Variants in ARL15 observed in about 807,000 individuals in gnomAD.
ARL15 encodes the protein ARF like GTPase 15, also known as ADP-ribosylation factor-like protein 15.
In ARL15, 19 loss-of-function variants were observed where a neutral mutation model predicts 25.2. The observed-to-expected ratio is 0.75, with a 90% CI of 0.53 to 1.10. The LOEUF is 1.10. Ranked by LOEUF, ARL15 falls within the 50% of genes least tolerant of loss-of-function variation. ARL15 has a pLI of 0.00. For synonymous variants in ARL15, 94 were observed against 86.8 expected, an observed-to-expected ratio of 1.08 and a Z score of -0.46; for missense variants, 220 against 246.0, an observed-to-expected ratio of 0.89 and a Z score of 0.71.
At chr5:54,005,278 T>G (rs1170401796) in intron 4 of ARL15, among the ~76,000 whole-genome samples, 2 of 146,128 alleles carry the variant, frequency 1.4e-5, no homozygotes, top group African/African-American at 5.1e-5. Flanking sequence ...TACCTTCTGG[T>G]GTCCTATACT....
intron 3 of ARL15, among the ~76,000 whole-genome samples, chr5:54,129,490 T>C (rs1753369618): frequency 6.6e-6 from 1 of 151,596 alleles, no homozygotes; most frequent in Admixed American, 6.6e-5. Context: ...AGAGACTAAA[T>C]CAAGAAATTA....
At chr5:54,056,195 T>C (rs1386855800) in intron 4 of ARL15, among the ~76,000 whole-genome samples, 1 of 152,152 alleles carries the variant, frequency 6.6e-6, no homozygotes, top group Non-Finnish European at 1.5e-5. Flanking sequence ...ATCTGAAACA[T>C]GGGGATAATA....
At chr5:54,125,794 T>C (rs1753233405) in intron 3 of ARL15, among the ~76,000 whole-genome samples, 1 of 152,202 alleles carries the variant, frequency 6.6e-6, no homozygotes, top group Non-Finnish European at 1.5e-5. Flanking sequence ...CAGCAATAGA[T>C]AATTAATGCA....
At chr5:54,269,930 C>A (rs529583129) in intron 1 of ARL15, among the ~76,000 whole-genome samples, 1 of 152,320 alleles carries the variant, frequency 6.6e-6, no homozygotes, top group South Asian at 2.1e-4. Flanking sequence ...CAGGCGTGAG[C>A]CACCACGCCC....
chr5:54,164,983 T>C (rs994504389), intron 2 of ARL15, among the ~76,000 whole-genome samples: 17 of 152,138 alleles, frequency 1.1e-4, no homozygotes, highest in African/African-American at 3.8e-4. Context: ...TTGATAATTC[T>C]ATTTTCATCT....
chr5:54,209,683 A>G (rs530154769), intron 1 of ARL15, among the ~76,000 whole-genome samples: 7 of 146,372 alleles, frequency 4.8e-5, no homozygotes, highest in African/African-American at 1.7e-4. Flanking sequence ...AGCTTAAAGC[A>G]CATATAATGA....
chr5:53,969,011 A>G (rs1417896300), intron 4 of ARL15, among the ~76,000 whole-genome samples: 1 of 151,890 alleles, frequency 6.6e-6, no homozygotes, highest in African/African-American at 2.4e-5. Flanking sequence ...TTAGCCAGGC[A>G]TGGTGGCAGG....
chr5:53,997,937 A>G (rs1340550456), intron 4 of ARL15, among the ~76,000 whole-genome samples: 1 of 152,122 alleles, frequency 6.6e-6, no homozygotes, highest in African/African-American at 2.4e-5. Flanking sequence ...TAAAATGCCT[A>G]GTCTCTTAGT....
intron 1 of ARL15, among the ~76,000 whole-genome samples, chr5:54,241,095 C>T (rs188135705): frequency 6.6e-6 from 1 of 152,214 alleles, no homozygotes; most frequent in Admixed American, 6.5e-5. Flanking sequence ...ATGCTTAATA[C>T]TATATAATGA....
intron 2 of ARL15, among the ~76,000 whole-genome samples, chr5:54,161,503 G>C (rs1315310256): frequency 1.3e-5 from 2 of 152,148 alleles, no homozygotes; most frequent in African/African-American, 4.8e-5. Context: ...GTAAATTTAA[G>C]TATAAAACTA....
chr5:54,044,541 G>A (rs1034925951), intron 4 of ARL15, among the ~76,000 whole-genome samples: 5 of 151,932 alleles, frequency 3.3e-5, no homozygotes, highest in Non-Finnish European at 5.9e-5. Context: ...CACTGCACCC[G>A]GCCAAAACAG....
At chr5:54,142,790 T>A (rs1267807385) in intron 3 of ARL15, among the ~76,000 whole-genome samples, 1 of 152,186 alleles carries the variant, frequency 6.6e-6, no homozygotes, top group Non-Finnish European at 1.5e-5. Context: ...ATTTACCAAT[T>A]TTCCTTTTAT....
intron 4 of ARL15, among the ~76,000 whole-genome samples, chr5:53,899,097 A>C (rs1244269166): frequency 1.3e-5 from 2 of 152,084 alleles, no homozygotes; most frequent in African/African-American, 4.8e-5. Flanking sequence ...CAGTAATCCC[A>C]GCACTTTGGG....
intron 1 of ARL15, among the ~76,000 whole-genome samples, chr5:54,278,023 T>C (rs1387635035): frequency 1.3e-5 from 2 of 152,186 alleles, no homozygotes; most frequent in Non-Finnish European, 2.9e-5. Context: ...TCTGGGCCGT[T>C]CAATGTTGGC....
At chr5:54,015,581 A>C (rs1749402070) in intron 4 of ARL15, among the ~76,000 whole-genome samples, 1 of 152,182 alleles carries the variant, frequency 6.6e-6, no homozygotes, top group Non-Finnish European at 1.5e-5. Context: ...CTTTTTAATA[A>C]TGTTACCTTA....
At chr5:54,159,991 C>G (rs943671804) in intron 2 of ARL15, among the ~76,000 whole-genome samples, 2 of 152,222 alleles carry the variant, frequency 1.3e-5, no homozygotes, top group Admixed American at 1.3e-4. Context: ...AAACCCTCCT[C>G]CCCTTCCCTC....
At chr5:54,281,790 T>C (rs1181030970) in intron 1 of ARL15, among the ~76,000 whole-genome samples, 1 of 152,212 alleles carries the variant, frequency 6.6e-6, no homozygotes, top group Non-Finnish European at 1.5e-5. Flanking sequence ...TCCATAGAAA[T>C]GAAATTGTAC....
chr5:54,261,674 C>T (rs1377694295), intron 1 of ARL15, among the ~76,000 whole-genome samples: 1 of 152,028 alleles, frequency 6.6e-6, no homozygotes, highest in Non-Finnish European at 1.5e-5. Context: ...ATTCATACAG[C>T]AGAAAATTGA....
At chr5:54,250,362 T>C (rs1405627623) in intron 1 of ARL15, among the ~76,000 whole-genome samples, 1 of 152,036 alleles carries the variant, frequency 6.6e-6, no homozygotes, top group Non-Finnish European at 1.5e-5. Context: ...ACCCAAACCA[T>C]ATCACAGGGC....
Sources: gnomAD v4.1 joint callset for allele counts (sites outside exome capture counted in the v4.1 genomes callset) on GRCh38, gnomAD v4.1.1 for gene constraint, MANE v1.5 for transcripts, NCBI Gene and HGNC (gene_info 2026-07-23, HGNC 2026-07-21) for gene names.